NDFIP2: variants seen among roughly 807,000 people sequenced by gnomAD.
The protein encoded by NDFIP2 is Nedd4 family interacting protein 2, also known as NEDD4 family-interacting protein 2.
Under a neutral mutation model 36.0 loss-of-function variants are expected in NDFIP2, and 19 were observed. The observed-to-expected ratio is 0.53, with a 90% CI of 0.37 to 0.77. NDFIP2 has a LOEUF of 0.77. Ranked by LOEUF, NDFIP2 falls within the 30% of genes least tolerant of loss-of-function variation. The probability of loss-of-function intolerance (pLI) is 0.00; values close to 1 mark genes in which losing one functional copy is unlikely to be tolerated. For synonymous variants in NDFIP2, 181 were observed against 167.7 expected, an observed-to-expected ratio of 1.08 and a Z score of -0.61; for missense variants, 446 against 435.8, an observed-to-expected ratio of 1.02 and a Z score of -0.21.
chr13:79,544,125 ATTAAG>A (rs1243994983), intron 5 of NDFIP2, among the ~76,000 whole-genome samples: 1 of 152,204 alleles, frequency 6.6e-6, no homozygotes, highest in Non-Finnish European at 1.5e-5. Context: ...GTATGCCTAA[ATTAAG>A]TTAAAACATA....
intron 4 of NDFIP2, among the ~76,000 whole-genome samples, chr13:79,542,217 TTA>T (rs1491523510): frequency 1.3e-5 from 2 of 152,196 alleles, no homozygotes; most frequent in Non-Finnish European, 2.9e-5. Flanking sequence ...CTTCTGAGGT[TTA>T]GCCATTTGTA....
At chr13:79,530,751 G>A (rs1274739108) in intron 2 of NDFIP2, among the ~76,000 whole-genome samples, 1 of 152,136 alleles carries the variant, frequency 6.6e-6, no homozygotes, top group Non-Finnish European at 1.5e-5. Flanking sequence ...CAGCAATTCA[G>A]TCACATTTTC....
chr13:79,499,588 A>G (rs541066162), intron 1 of NDFIP2, among the ~76,000 whole-genome samples: 1 of 152,144 alleles, frequency 6.6e-6, no homozygotes, highest in African/African-American at 2.4e-5. Flanking sequence ...AATGCTAGCA[A>G]TGAACAAGTG....
intron 1 of NDFIP2, among the ~76,000 whole-genome samples, chr13:79,511,018 G>T (rs183772640): frequency 7.2e-6 from 1 of 139,742 alleles, no homozygotes; most frequent in African/African-American, 2.5e-5. Flanking sequence ...AAAAAAAAAG[G>T]TGGCCTTGTT....
At chr13:79,490,645 TGG>T (rs1408242436) in intron 1 of NDFIP2, among the ~76,000 whole-genome samples, 134 of 152,336 alleles carry the variant, frequency 8.8e-4, no homozygotes, top group Middle Eastern at 3.4e-3. Context: ...AACAGTGTGC[TGG>T]ATTTGGCCTG....
chr13:79,498,114 T>C (rs1873519494), intron 1 of NDFIP2, among the ~76,000 whole-genome samples: 1 of 151,810 alleles, frequency 6.6e-6, no homozygotes, highest in Admixed American at 6.6e-5. Flanking sequence ...AGGGGCAGGG[T>C]AGATTACTAC....
At chr13:79,488,630 T>TAA (rs1873109572) in intron 1 of NDFIP2, among the ~76,000 whole-genome samples, 2 of 152,202 alleles carry the variant, frequency 1.3e-5, no homozygotes, top group Non-Finnish European at 2.9e-5. Context: ...TCATTATTGA[T>TAA]TATGAAACAA....
Position 79,533,413 on chromosome 13 carries a change from A to C in NDFIP2, c.578A>C (p.Lys193Thr). 6.2e-7 allele frequency: 1 copy of C among 1,611,266 alleles called. No individual in the cohort carries two copies. Reference protein sequence around the residue: ...LPTYDEAEKAKAAAMAAAAAE... With the variant: ...LPTYDEAEKATAAAMAAAAAE... ...ACATACGATGAAGCTGAGAAGGCTAAAGCTGCTGCAATGGCAGCTGCAGCA... is the reference window on the plus strand; with the variant it reads ...ACATACGATGAAGCTGAGAAGGCTACAGCTGCTGCAATGGCAGCTGCAGCA... Residue 193 changes from lysine to threonine, a missense_variant, in exon 3 of 8, where the codon AAA (lysine) becomes ACA (threonine). Physicochemically the swap from Lys to Thr is moderately conservative, Grantham distance 78. This residue lies in a region of NDFIP2 where 369 missense variants were observed against 304.8 expected (regional missense o/e 1.21). Transcript: ENST00000218652.
At chr13:79,497,795 G>GAT (rs1555356394) in intron 1 of NDFIP2, among the ~76,000 whole-genome samples, 2 of 128,912 alleles carry the variant, frequency 1.6e-5, no homozygotes, top group Non-Finnish European at 3.4e-5. Context: ...ATCTGTGGGG[G>GAT]GTGTGTGTGT....
At chr13:79,490,196 A>G (rs1873170948) in intron 1 of NDFIP2, among the ~76,000 whole-genome samples, 1 of 152,188 alleles carries the variant, frequency 6.6e-6, no homozygotes, top group Admixed American at 6.5e-5. Flanking sequence ...ACTGAGTGAG[A>G]ACACTTCCTG....
At position 79,481,278 on chromosome 13, in the gene NDFIP2, G is replaced by C; in HGVS notation, c.75G>C (p.Glu25Asp). Reference protein sequence around the residue: ...SMLNSARGAPELLRGTATNAE... With the variant: ...SMLNSARGAPDLLRGTATNAE... ...TCAATAGCGCGCGCGGCGCCCCGGA[G>C]CTTCTCCGCGGAACCGCGACCAACG... Residue 25 changes from glutamate (E) to aspartate (D), a missense_variant, in exon 1 of 8, where the codon GAG becomes GAC. Physicochemically the swap from Glu to Asp is conservative, Grantham distance 45. This residue lies in a region of NDFIP2 where 369 missense variants were observed against 304.8 expected (regional missense o/e 1.21). Coordinates refer to ENST00000218652, the MANE Select transcript of NDFIP2 (RefSeq NM_019080.3). The C allele has an allele frequency of 6.5e-7, 1 of 1,537,908 alleles. No homozygotes were observed. Among genetic ancestry groups the C allele is most frequent in the Non-Finnish European group, 8.7e-7 (1 of 1,146,168 alleles).
intron 1 of NDFIP2, among the ~76,000 whole-genome samples, chr13:79,484,550 AAC>A (rs2079831936): frequency 6.6e-6 from 1 of 152,226 alleles, no homozygotes; most frequent in South Asian, 2.1e-4. Context: ...GGATTTCTTT[AAC>A]CTAGCTCTTC....
At chr13:79,484,230 G>C (rs1177517188) in intron 1 of NDFIP2, among the ~76,000 whole-genome samples, 1 of 152,040 alleles carries the variant, frequency 6.6e-6, no homozygotes, top group Non-Finnish European at 1.5e-5. Flanking sequence ...GGCCAGGCTG[G>C]TCTCGAACTC....
At chr13:79,514,573 C>T (rs947858106) in intron 1 of NDFIP2, among the ~76,000 whole-genome samples, 14 of 152,232 alleles carry the variant, frequency 9.2e-5, no homozygotes, top group African/African-American at 3.1e-4. Flanking sequence ...GAAAGGCTTT[C>T]CTCAGAACTT....
chr13:79,552,235 A>G (rs1875936643), intron 7 of NDFIP2, among the ~76,000 whole-genome samples: 1 of 151,324 alleles, frequency 6.6e-6, no homozygotes, highest in Admixed American at 6.6e-5. Flanking sequence ...ATTTGTCAGT[A>G]TTAATAATAA....
intron 1 of NDFIP2, among the ~76,000 whole-genome samples, chr13:79,517,569 G>A (rs1195892492): frequency 1.3e-5 from 2 of 152,174 alleles, no homozygotes; most frequent in African/African-American, 4.8e-5. Flanking sequence ...TAAATTGAAA[G>A]TTATATATGC....
chr13:79,510,382 GTT>G (rs567176342), intron 1 of NDFIP2, among the ~76,000 whole-genome samples: 3 of 137,174 alleles, frequency 2.2e-5, no homozygotes, highest in Non-Finnish European at 3.2e-5. Context: ...GATTTTTTTT[GTT>G]TTTTTTTTTT....
rs777418193 is a variant in NDFIP2, at chr13:79,520,842, G to A, written c.354G>A (p.Ser118=). 9.9e-6 allele frequency: 16 copies of A among 1,612,648 alleles called. No individual in the cohort carries two copies. Among genetic ancestry groups the A allele is most frequent in the African/African-American group, 4.0e-5 (3 of 74,794 alleles). ...ATGAAGAGGATAACTCAGAATCATC[G>A]GCTATAGAGCAGCCACCTACTTCAA... ...LLNEEDNSES[S]AIEQPPTSNP... Residue 118 remains serine (S), a synonymous_variant, in exon 2 of 8, where the codon TCG becomes TCA. Transcript: ENST00000218652.
At chr13:79,540,966 T>G (rs1008377433) in intron 4 of NDFIP2, among the ~76,000 whole-genome samples, 1 of 152,228 alleles carries the variant, frequency 6.6e-6, no homozygotes, top group Non-Finnish European at 1.5e-5. Context: ...GAGTGCTGTT[T>G]TGTAATATTA....
Sources: allele counts gnomAD v4.1 joint callset (sites outside exome capture counted in the v4.1 genomes callset), GRCh38; gene constraint gnomAD v4.1.1; regional missense constraint gnomAD v4.1.1; transcripts MANE v1.5; gene names NCBI Gene and HGNC (gene_info 2026-07-23, HGNC 2026-07-21).